The following TYW1B variants were observed in gnomAD, a reference collection of about 807,000 sequenced individuals.
TYW1B encodes S-adenosyl-L-methionine-dependent tRNA 4-demethylwyosine synthase TYW1B.
Under a neutral mutation model 86.9 loss-of-function variants are expected in TYW1B, and 73 were observed. The ratio of observed to expected loss-of-function variants is 0.84; its 90% confidence interval spans 0.70 to 1.02. TYW1B has a LOEUF of 1.02. Among genes scored for constraint, TYW1B ranks in the 50% least tolerant of loss-of-function variants. TYW1B has a pLI of 0.00. For synonymous variants in TYW1B, 248 were observed against 292.8 expected (o/e 0.85, Z 1.56); for missense variants, 637 against 827.4 (o/e 0.77, Z 2.82).
chr7:72,613,988 G>A (rs1554436415), intron 13 of TYW1B, among the ~76,000 whole-genome samples: 1 of 142,952 alleles, frequency 7.0e-6, no homozygotes, highest in Non-Finnish European at 1.5e-5. Context: ...AAGACGATGT[G>A]TGCACATGTA....
chr7:72,658,045 G>A (rs1255959654), intron 11 of TYW1B, among the ~76,000 whole-genome samples: 1 of 152,144 alleles, frequency 6.6e-6, no homozygotes, highest in Non-Finnish European at 1.5e-5. Context: ...CATGAGGTCA[G>A]GAGATCAAGA....
chr7:72,713,733 G>A lies in TYW1B; in HGVS notation c.1258C>T (p.Leu420Phe). The change falls in exon 10 of 14, where the codon CTC (leucine) becomes TTC (phenylalanine). Residue 420 changes from leucine (L) to phenylalanine (F), a missense_variant. Transcript: ENST00000620995. ...GGGTACATTATTGGTTCTCCCACGA[G>A]GGACAATGCACAGTGCTTTACCGTC... ...GMTVKHCALS[L>F]VGEPIMYPEI... 1.2e-6 allele frequency: 2 copies of A among 1,613,226 alleles called. No homozygotes were observed. Among genetic ancestry groups the A allele is most frequent in the Non-Finnish European group, 1.7e-6 (2 of 1,179,684 alleles).
At chr7:72,809,264 C>A (rs1273267854) in intron 4 of TYW1B, among the ~76,000 whole-genome samples, 2 of 151,822 alleles carry the variant, frequency 1.3e-5, no homozygotes, top group African/African-American at 2.4e-5. Context: ...ACGATGATCT[C>A]GATCTCCTGA....
chr7:72,794,123 C>CGT (rs1281828537), intron 6 of TYW1B, among the ~76,000 whole-genome samples: 1 of 152,152 alleles, frequency 6.6e-6, no homozygotes, highest in Non-Finnish European at 1.5e-5. Context: ...AGAACTCAGG[C>CGT]GTGTTCCCCT....
At chr7:72,811,198 G>A (rs1788609384) in intron 3 of TYW1B, among the ~76,000 whole-genome samples, 1 of 149,766 alleles carries the variant, frequency 6.7e-6, no homozygotes, top group African/African-American at 2.5e-5. Context: ...GTGAACCCAG[G>A]AGGCAGAGCT....
At chr7:72,780,551 C>T (rs1233537578) in intron 6 of TYW1B, among the ~76,000 whole-genome samples, 1 of 152,158 alleles carries the variant, frequency 6.6e-6, no homozygotes, top group Non-Finnish European at 1.5e-5. Context: ...CACAGACACC[C>T]TCTTGGGGTT....
At chr7:72,575,915 C>T (rs1554428400) in intron 13 of TYW1B, among the ~76,000 whole-genome samples, 196 bp from the exon 14 acceptor site, 3 of 152,230 alleles carry the variant, frequency 2.0e-5, no homozygotes, top group Admixed American at 6.5e-5. Flanking sequence ...GCTACAATCA[C>T]AGGAGAGCTT....
intron 3 of TYW1B, among the ~76,000 whole-genome samples, chr7:72,812,462 C>T (rs747826472): frequency 6.6e-6 from 1 of 152,112 alleles, no homozygotes; most frequent in African/African-American, 2.4e-5. Context: ...TGTTTGAATT[C>T]ATCTTAAGAG....
At chr7:72,670,951 TA>T (rs1264322212) in intron 11 of TYW1B, among the ~76,000 whole-genome samples, 2 of 152,228 alleles carry the variant, frequency 1.3e-5, no homozygotes, top group Non-Finnish European at 2.9e-5. Flanking sequence ...TAAAGCTTAA[TA>T]TTCCAGTCTG....
At chr7:72,785,337 T>G (rs1377353516) in intron 6 of TYW1B, among the ~76,000 whole-genome samples, 2 of 147,814 alleles carry the variant, frequency 1.4e-5, no homozygotes, top group Middle Eastern at 7.1e-3. Flanking sequence ...ATATTCTAAT[T>G]CTAATTATAT....
At chr7:72,625,956 T>G (rs1812339440) in intron 12 of TYW1B, among the ~76,000 whole-genome samples, 1 of 151,684 alleles carries the variant, frequency 6.6e-6, no homozygotes, top group Non-Finnish European at 1.5e-5. Context: ...AGCTGCTTTA[T>G]TATAATAGAG....
chr7:72,663,706 G>A (rs1455118739), intron 11 of TYW1B, among the ~76,000 whole-genome samples: 7 of 140,348 alleles, frequency 5.0e-5, no homozygotes, highest in Non-Finnish European at 6.1e-5. Context: ...GGAGCTTGCA[G>A]TGAGCCGAGA....
At chr7:72,747,766 G>T (rs1383464238) in intron 7 of TYW1B, among the ~76,000 whole-genome samples, 2 of 152,192 alleles carry the variant, frequency 1.3e-5, no homozygotes, top group African/African-American at 4.8e-5. Flanking sequence ...AATTTGGGGA[G>T]AAATGACAGT....
intron 6 of TYW1B, among the ~76,000 whole-genome samples, chr7:72,786,193 C>T (rs1307364145): frequency 1.3e-5 from 2 of 152,054 alleles, no homozygotes; most frequent in African/African-American, 4.8e-5. Context: ...GTTTAGTATC[C>T]CATATCCCCT....
At chr7:72,603,265 T>C (rs1458085172) in intron 13 of TYW1B, among the ~76,000 whole-genome samples, 9 of 137,136 alleles carry the variant, frequency 6.6e-5, no homozygotes, top group African/African-American at 2.5e-4. Flanking sequence ...GATGGATGGA[T>C]GGACAGACAG....
Position 72,622,783 on chromosome 7 carries a change from AACAC to A in TYW1B, c.1618-5948_1618-5945del, listed in dbSNP as rs782167819. ...ACACCACACACATGCACGCACACAA[AACAC>A]ACATGCATAACACACACAACACACA... On this transcript the variant is annotated intron_variant, in intron 12 of 13. Coordinates refer to ENST00000620995, the MANE Select transcript of TYW1B (RefSeq NM_001145440.3). Among the ~76,000 whole-genome samples, 40 of 151,444 alleles carry A rather than the reference AACAC, an allele frequency of 2.6e-4. 1 individual carries two copies. The Middle Eastern group carries it at 0.017, about 65-fold the overall frequency.
At chr7:72,674,427 A>C (rs782123396) in intron 11 of TYW1B, among the ~76,000 whole-genome samples, 1 of 152,064 alleles carries the variant, frequency 6.6e-6, no homozygotes, top group Non-Finnish European at 1.5e-5. Context: ...CCCTTCAGAC[A>C]GGATGTCTGA....
At chr7:72,809,187 C>T (rs1472480892) in intron 4 of TYW1B, among the ~76,000 whole-genome samples, 2 of 151,846 alleles carry the variant, frequency 1.3e-5, no homozygotes, top group East Asian at 1.9e-4. Context: ...GGACTACAGG[C>T]GCCCGTCACC....
intron 11 of TYW1B, among the ~76,000 whole-genome samples, chr7:72,649,916 G>A (rs1813018730): frequency 3.3e-5 from 5 of 152,136 alleles, no homozygotes; most frequent in African/African-American, 1.2e-4. Flanking sequence ...TTGAGACAGA[G>A]TCTTGCTCTG....
Sources: gnomAD v4.1 joint callset for allele counts (sites outside exome capture counted in the v4.1 genomes callset) on GRCh38, gnomAD v4.1.1 for gene constraint, MANE v1.5 for transcripts, NCBI Gene and HGNC (gene_info 2026-07-23, HGNC 2026-07-21) for gene names.